AGBL3: variants seen among roughly 807,000 people sequenced by gnomAD.
The protein encoded by AGBL3 is AGBL carboxypeptidase 3.
Under a neutral mutation model 94.5 loss-of-function variants are expected in AGBL3, and 68 were observed. The ratio of observed to expected loss-of-function variants is 0.72; its 90% confidence interval spans 0.59 to 0.88. The LOEUF (loss-of-function observed/expected upper bound fraction) is 0.88. Ranked by LOEUF, AGBL3 falls within the 40% of genes least tolerant of loss-of-function variation. The probability of loss-of-function intolerance (pLI) is 0.00; values close to 1 mark genes in which losing one functional copy is unlikely to be tolerated. For synonymous variants in AGBL3, 354 were observed against 370.7 expected (o/e 0.95, Z 0.52); for missense variants, 934 against 1,103.8 (o/e 0.85, Z 2.18).
At chr7:135,129,291 T>C (rs1038117814) in intron 16 of AGBL3, 29 of 1,500,992 alleles carry the variant, frequency 1.9e-5, no homozygotes, top group Non-Finnish European at 2.7e-5. Flanking sequence ...CTTGTGCAGG[T>C]TGACCTACCA....
At chr7:135,120,278 G>A (rs868491316) in intron 16 of AGBL3, among the ~76,000 whole-genome samples, 6 of 152,146 alleles carry the variant, frequency 3.9e-5, no homozygotes, top group South Asian at 4.1e-4. Context: ...TAATATTGAT[G>A]TGGTTCCAAA....
chr7:135,017,522 T>A lies in AGBL3; in HGVS notation c.418+363T>A, dbSNP rs139227780. 1.3e-3 allele frequency among the ~76,000 whole-genome samples: 199 copies of A among 152,348 alleles called. 4 individuals are homozygous for A. The highest frequency in any genetic ancestry group is 4.7e-3 in the African/African-American group (194 of 41,580). ...ATTCATGCATTCGTTCAGATGTTTT[T>A]CTTTTAATTTCCTGACTCTGATGCA... On this transcript the variant is annotated intron_variant, in intron 5 of 16. Coordinates refer to ENST00000436302, the MANE Select transcript of AGBL3 (RefSeq NM_178563.4).
At chr7:135,104,537 C>A (rs112038812) in intron 15 of AGBL3, among the ~76,000 whole-genome samples, 164 of 152,286 alleles carry the variant, frequency 1.1e-3, no homozygotes, top group Non-Finnish European at 2.0e-3. Context: ...CTAATCTACA[C>A]TCCCACCAAC....
intron 5 of AGBL3, among the ~76,000 whole-genome samples, chr7:135,023,854 G>T (rs1163785770): frequency 6.6e-6 from 1 of 152,204 alleles, no homozygotes; most frequent in Non-Finnish European, 1.5e-5. Flanking sequence ...TTTGCTGGTG[G>T]CCCCATCTGA....
Position 135,051,966 on chromosome 7 carries a change from T to C in AGBL3, c.1841+6055T>C, listed in dbSNP as rs75274284. ...GTCTGACAGTTAAGTGTCTTTGTTTTTGATTATATTAACTTTTAGAAATAA... is the reference window on the plus strand; with the variant it reads ...GTCTGACAGTTAAGTGTCTTTGTTTCTGATTATATTAACTTTTAGAAATAA... On this transcript the variant is annotated intron_variant, in intron 11 of 16. Transcript: ENST00000436302. Among the ~76,000 whole-genome samples the C allele has an allele frequency of 7.4e-5, 11 of 149,116 alleles. No homozygotes were observed. The East Asian group carries it at 2.2e-3, about 30-fold the overall frequency.
At chr7:135,010,679 A>G (rs2133458718) in intron 4 of AGBL3, 1 of 152,308 alleles carries the variant, frequency 6.6e-6, no homozygotes, top group African/African-American at 2.4e-5. Context: ...TTTCAGGGAA[A>G]AAAAGTTGTT....
intron 12 of AGBL3, among the ~76,000 whole-genome samples, chr7:135,061,304 G>A: frequency 6.6e-6 from 1 of 151,892 alleles, no homozygotes; most frequent in East Asian, 1.9e-4. Context: ...CAGATGTATG[G>A]TTTGCAAATA....
chr7:135,045,223 A>C (rs888871043), intron 9 of AGBL3, among the ~76,000 whole-genome samples: 4 of 152,140 alleles, frequency 2.6e-5, no homozygotes, highest in African/African-American at 4.8e-5. Context: ...CAAATATTCT[A>C]TAACTGTCTT....
intron 15 of AGBL3, among the ~76,000 whole-genome samples, chr7:135,086,319 T>C (rs865974639): frequency 1.3e-5 from 2 of 152,064 alleles, no homozygotes; most frequent in African/African-American, 4.8e-5. Context: ...CCTTTATTTC[T>C]TTCTCTTGCC....
At chr7:135,106,278 TGA>T (rs1007788910) in intron 15 of AGBL3, among the ~76,000 whole-genome samples, 6 of 152,162 alleles carry the variant, frequency 3.9e-5, no homozygotes, top group Admixed American at 1.3e-4. Flanking sequence ...AATAGAAAGG[TGA>T]GAGAGGGCAT....
intron 14 of AGBL3, among the ~76,000 whole-genome samples, chr7:135,080,693 T>C (rs1287598724): frequency 6.6e-6 from 1 of 151,342 alleles, no homozygotes; most frequent in Non-Finnish European, 1.5e-5. Flanking sequence ...TGGCTTCTAC[T>C]GCAACCTGCT....
chr7:135,091,415 A>G (rs1434082544), intron 15 of AGBL3, among the ~76,000 whole-genome samples: 1 of 152,202 alleles, frequency 6.6e-6, no homozygotes, highest in Admixed American at 6.5e-5. Flanking sequence ...CTTGATGTAC[A>G]TGGGTTTCAC....
chr7:135,095,771 A>G (rs1266684772), intron 15 of AGBL3, among the ~76,000 whole-genome samples: 2 of 152,176 alleles, frequency 1.3e-5, no homozygotes, highest in Non-Finnish European at 2.9e-5. Flanking sequence ...TGCTGCTCAC[A>G]ATAATGGATC....
rs557161557 is a variant in AGBL3 at position 135,076,342 on chromosome 7, T to C, written c.1909-55T>C. 1.0e-4 allele frequency: 130 copies of C among 1,265,274 alleles called. 1 individual carries two copies. In the African/African-American group the frequency reaches 1.7e-3, roughly 17 times the overall value. The allele number at this position is 1,265,274 out of a possible 1,614,324, so 78.4% of individuals were successfully genotyped here. A position where few individuals can be genotyped will look rare whatever the true frequency, so the allele number is the denominator to read the frequency against. The stretch of plus-strand genomic sequence containing the variant: ...CTCGAAACAATTTCATGTCTGCATA[T>C]GTACTCTTTGATATGTTGATTAAAT... On this transcript the variant is annotated intron_variant, in intron 12 of 16. Transcript: ENST00000436302.
chr7:135,128,764 C>T (rs781398787), intron 16 of AGBL3: 29 of 1,346,022 alleles, frequency 2.2e-5, no homozygotes, highest in Admixed American at 3.5e-5. Flanking sequence ...CAACACAGAG[C>T]TAGATTTTGG....
At chr7:135,005,166 T>C (rs1214585796) in intron 4 of AGBL3, among the ~76,000 whole-genome samples, 1 of 151,782 alleles carries the variant, frequency 6.6e-6, no homozygotes, top group East Asian at 1.9e-4. Context: ...TAAAAGTAAG[T>C]TGCAGATATC....
chr7:135,036,433 AAAT>A (rs1451504602), intron 7 of AGBL3, among the ~76,000 whole-genome samples: 1 of 152,132 alleles, frequency 6.6e-6, no homozygotes, highest in Non-Finnish European at 1.5e-5. Context: ...ATTTTTCTCA[AAAT>A]AATAACTTAA....
intron 15 of AGBL3, among the ~76,000 whole-genome samples, chr7:135,104,258 A>G (rs1267474304): frequency 6.6e-6 from 1 of 152,146 alleles, no homozygotes; most frequent in East Asian, 1.9e-4. Context: ...CATTATTTTC[A>G]TGGCTACATA....
At chr7:135,011,945 C>T (rs988664319) in intron 4 of AGBL3, 37 of 152,104 alleles carry the variant, frequency 2.4e-4, no homozygotes, top group African/African-American at 8.4e-4. Context: ...AGCACAGGTG[C>T]TCTAAGCAAT....
Sources: allele counts gnomAD v4.1 joint callset (sites outside exome capture counted in the v4.1 genomes callset), GRCh38; gene constraint gnomAD v4.1.1; transcripts MANE v1.5; gene names NCBI Gene and HGNC (gene_info 2026-07-23, HGNC 2026-07-21).